QTMAN: variants seen among roughly 807,000 people sequenced by gnomAD.
QTMAN encodes tRNA-queuosine alpha-mannosyltransferase.
the QTMAN span, among the ~76,000 whole-genome samples, chr2:144,019,677 T>G: frequency 2.6e-5 from 4 of 152,110 alleles, no homozygotes; most frequent in Non-Finnish European, 4.4e-5. Context: ...AGCTCCCACT[T>G]CAACACCAGA....
At chr2:144,305,610 A>G in the QTMAN span, among the ~76,000 whole-genome samples, 15 of 152,318 alleles carry the variant, frequency 9.8e-5, no homozygotes, top group African/African-American at 3.4e-4. Flanking sequence ...TGTAACTTTT[A>G]GGATCAGCTT....
the QTMAN span, among the ~76,000 whole-genome samples, chr2:143,972,397 T>G: frequency 1.3e-5 from 2 of 152,128 alleles, no homozygotes; most frequent in Admixed American, 1.3e-4. Flanking sequence ...TTCCAAAATT[T>G]TGGCTATGGA....
At chr2:144,286,674 T>C in the QTMAN span, among the ~76,000 whole-genome samples, 1 of 152,214 alleles carries the variant, frequency 6.6e-6, no homozygotes, top group Non-Finnish European at 1.5e-5. Flanking sequence ...TGTGGAAAGA[T>C]GTGCAGTTAC....
At chr2:144,323,169 T>C in the QTMAN span, among the ~76,000 whole-genome samples, 1 of 152,174 alleles carries the variant, frequency 6.6e-6, no homozygotes, top group Non-Finnish European at 1.5e-5. Context: ...TGATGCTTCA[T>C]GCAAAATTTG....
the QTMAN span, among the ~76,000 whole-genome samples, chr2:144,133,242 T>C: frequency 2.0e-5 from 1 of 50,420 alleles, no homozygotes; most frequent in African/African-American, 1.6e-4. Flanking sequence ...TATATTTATA[T>C]ATAAATATAT....
chr2:143,951,591 G>A, the QTMAN span, among the ~76,000 whole-genome samples: 3 of 151,316 alleles, frequency 2.0e-5, no homozygotes, highest in East Asian at 5.8e-4. Flanking sequence ...GAATTTTTGA[G>A]GACTAAAGAT....
chr2:143,976,276 T>A, the QTMAN span, among the ~76,000 whole-genome samples: 1 of 152,078 alleles, frequency 6.6e-6, no homozygotes, highest in Non-Finnish European at 1.5e-5. Flanking sequence ...TCATAAACAT[T>A]CCTTAGTTTC....
At chr2:144,152,323 T>C in the QTMAN span, among the ~76,000 whole-genome samples, 1 of 152,206 alleles carries the variant, frequency 6.6e-6, no homozygotes, top group Non-Finnish European at 1.5e-5. Context: ...ATCAGCACTC[T>C]GAACTGTCTT....
At chr2:144,141,857 T>G in the QTMAN span, 3 of 1,533,896 alleles carry the variant, frequency 2.0e-6, no homozygotes, top group Non-Finnish European at 1.8e-6. Context: ...GACACAATAT[T>G]GAGAACAGAG....
At chr2:144,289,819 T>C in the QTMAN span, among the ~76,000 whole-genome samples, 1 of 152,218 alleles carries the variant, frequency 6.6e-6, no homozygotes, top group Non-Finnish European at 1.5e-5. Flanking sequence ...CACACTTTAT[T>C]TTCAAAGACA....
chr2:144,026,464 C>T, the QTMAN span, among the ~76,000 whole-genome samples: 2 of 152,080 alleles, frequency 1.3e-5, no homozygotes, highest in African/African-American at 4.8e-5. Context: ...AGAATGGACT[C>T]ATCTGTCATC....
chr2:144,011,837 C>T, the QTMAN span: 27 of 597,216 alleles, frequency 4.5e-5, no homozygotes, highest in Middle Eastern at 1.7e-3. Context: ...GAAAAGGTCC[C>T]GAGGTAAGAA....
At chr2:144,147,552 G>A in the QTMAN span, among the ~76,000 whole-genome samples, 10 of 151,630 alleles carry the variant, frequency 6.6e-5, no homozygotes, top group African/African-American at 1.5e-4. Context: ...TAGTTATTGC[G>A]TAATCCTCCT....
chr2:144,093,571 C>A, the QTMAN span, among the ~76,000 whole-genome samples: 3 of 152,172 alleles, frequency 2.0e-5, no homozygotes, highest in African/African-American at 4.8e-5. Context: ...CCTTCAGAAT[C>A]CAAAACTTGG....
the QTMAN span, among the ~76,000 whole-genome samples, chr2:144,274,361 A>G: frequency 6.6e-6 from 1 of 152,262 alleles, no homozygotes; most frequent in East Asian, 1.9e-4. Flanking sequence ...AGGAGCATCT[A>G]TTGTTCTAAT....
At chr2:143,976,974 G>A in the QTMAN span, among the ~76,000 whole-genome samples, 23 of 152,208 alleles carry the variant, frequency 1.5e-4, no homozygotes, top group East Asian at 4.1e-3. Flanking sequence ...TTATATAACC[G>A]TGTGCAACCT....
At chr2:144,158,567 G>A in the QTMAN span, among the ~76,000 whole-genome samples, 1 of 151,920 alleles carries the variant, frequency 6.6e-6, no homozygotes, top group African/African-American at 2.4e-5. Flanking sequence ...GTAGTTCGCT[G>A]TAGGGACATC....
chr2:144,133,438 A>G, the QTMAN span, among the ~76,000 whole-genome samples: 1 of 59,048 alleles, frequency 1.7e-5, no homozygotes, highest in African/African-American at 1.1e-4. Context: ...AATATATAAT[A>G]TATAATATAT....
chr2:144,305,082 T>TA, the QTMAN span, among the ~76,000 whole-genome samples: 1 of 152,122 alleles, frequency 6.6e-6, no homozygotes, highest in Non-Finnish European at 1.5e-5. Flanking sequence ...TAGTGTCTTT[T>TA]AAAGTATAAA....
Sources: allele counts gnomAD v4.1 joint callset (sites outside exome capture counted in the v4.1 genomes callset), GRCh38; gene constraint gnomAD v4.1.1; transcripts MANE v1.5; gene names NCBI Gene and HGNC (gene_info 2026-07-23, HGNC 2026-07-21).